Variants in CIMIP2A observed in about 807,000 individuals in gnomAD.
CIMIP2A encodes the protein family with sequence similarity 166 member A.
At chr9:137,248,168 T>A in the CIMIP2A span, among the ~76,000 whole-genome samples, 6 of 152,208 alleles carry the variant, frequency 3.9e-5, no homozygotes, top group African/African-American at 1.4e-4. Context: ...CAGCCCTTCA[T>A]GTGGCGCAGG....
At chr9:137,253,205 G>C in the CIMIP2A span, 1 of 1,609,116 alleles carries the variant, frequency 6.2e-7, no homozygotes, top group Non-Finnish European at 8.5e-7. Flanking sequence ...GGTGTACGCA[G>C]ACCCAAGCGC....
At chr9:137,251,801 C>T in the CIMIP2A span, 1 of 1,598,174 alleles carries the variant, frequency 6.3e-7, no homozygotes. Flanking sequence ...AGACACAGCC[C>T]CCAAAGATGA....
chr9:137,253,295 C>T, the CIMIP2A span: 1 of 1,570,780 alleles, frequency 6.4e-7, no homozygotes, highest in Middle Eastern at 1.7e-4. Context: ...GGAACCATGG[C>T]CTCCCCCGGG....
chr9:137,252,902 A>T, the CIMIP2A span: 1 of 1,597,986 alleles, frequency 6.3e-7, no homozygotes, highest in Non-Finnish European at 8.5e-7. Context: ...CCGCCTGCAG[A>T]GCCCCCGCTC....
At chr9:137,252,153 G>A in the CIMIP2A span, 179 of 1,597,930 alleles carry the variant, frequency 1.1e-4, no homozygotes, top group Non-Finnish European at 1.4e-4. Context: ...TCCCCTCCCT[G>A]AGGCCCAACC....
the CIMIP2A span, chr9:137,253,314 A>G: frequency 6.4e-7 from 1 of 1,555,396 alleles, no homozygotes. Flanking sequence ...GGGCTTTCCC[A>G]GGCCTCCCCT....
At chr9:137,245,587 G>A in the CIMIP2A span, 49 of 1,613,608 alleles carry the variant, frequency 3.0e-5, no homozygotes, top group South Asian at 2.9e-4. Flanking sequence ...TGTGAGTGCC[G>A]GGACAGGCAG....
the CIMIP2A span, among the ~76,000 whole-genome samples, chr9:137,247,162 G>A: frequency 6.6e-6 from 1 of 152,350 alleles, no homozygotes; most frequent in Admixed American, 6.5e-5. Flanking sequence ...GCAGATGCCT[G>A]TAATCCCAGC....
the CIMIP2A span, chr9:137,251,648 G>A: frequency 5.5e-6 from 8 of 1,466,858 alleles, no homozygotes; most frequent in Non-Finnish European, 7.3e-6. Context: ...GAGCAGCCGG[G>A]GGCTGAGGGA....
the CIMIP2A span, chr9:137,252,916 G>A: frequency 4.9e-5 from 79 of 1,599,370 alleles, 1 homozygote; most frequent in Middle Eastern, 1.6e-4. Context: ...CCCGCTCGCC[G>A]GCCTTCTCGA....
the CIMIP2A span, chr9:137,252,533 G>C: frequency 1.3e-6 from 2 of 1,585,772 alleles, no homozygotes; most frequent in Admixed American, 1.8e-5. Flanking sequence ...AAGGTTGGGG[G>C]CTGGGCAGGA....
the CIMIP2A span, chr9:137,245,473 T>A: frequency 6.2e-7 from 1 of 1,613,900 alleles, no homozygotes; most frequent in Non-Finnish European, 8.5e-7. Flanking sequence ...TCTGGGTATG[T>A]TCTCTACCCC....
chr9:137,243,684 C>T, the CIMIP2A span: 2 of 1,614,098 alleles, frequency 1.2e-6, no homozygotes, highest in Admixed American at 1.7e-5. Flanking sequence ...GTACAGACAC[C>T]ACCATTAAAG....
the CIMIP2A span, chr9:137,252,104 C>A: frequency 2.4e-5 from 38 of 1,612,190 alleles, no homozygotes; most frequent in Non-Finnish European, 3.1e-5. Flanking sequence ...CACACCCCCA[C>A]TACAGCATCG....
the CIMIP2A span, chr9:137,251,083 C>T: frequency 1.7e-6 from 1 of 583,608 alleles, no homozygotes; most frequent in Non-Finnish European, 3.1e-6. Context: ...CCAGGAGTCA[C>T]CGGGGCAGGC....
At chr9:137,253,893 C>T in the CIMIP2A span, among the ~76,000 whole-genome samples, 1 of 152,220 alleles carries the variant, frequency 6.6e-6, no homozygotes, top group Admixed American at 6.5e-5. Flanking sequence ...GAGCTGAAGA[C>T]CTGGCTGGGC....
the CIMIP2A span, chr9:137,251,629 C>G: frequency 7.5e-7 from 1 of 1,326,834 alleles, no homozygotes; most frequent in Non-Finnish European, 1.0e-6. Context: ...CTGTGGGGCA[C>G]GTGGCTGGGA....
chr9:137,252,638 A>G, the CIMIP2A span: 5 of 1,450,112 alleles, frequency 3.4e-6, no homozygotes, highest in South Asian at 6.3e-5. Context: ...CCTGCCCTGC[A>G]GCCCGTCTCC....
the CIMIP2A span, chr9:137,250,152 G>A: frequency 6.6e-6 from 1 of 152,222 alleles, no homozygotes; most frequent in African/African-American, 2.4e-5. Flanking sequence ...GACGGCTGTG[G>A]TGGTGTGGGC....
Sources: allele counts gnomAD v4.1 joint callset (sites outside exome capture counted in the v4.1 genomes callset), GRCh38; gene constraint gnomAD v4.1.1; transcripts MANE v1.5; gene names NCBI Gene and HGNC (gene_info 2026-07-23, HGNC 2026-07-21).